Variants in PLPP5 observed in about 807,000 individuals in gnomAD.
PLPP5 encodes diacylglycerol pyrophosphate like 1.
In PLPP5, 29 loss-of-function variants were observed where a neutral mutation model predicts 23.6. The ratio of observed to expected loss-of-function variants is 1.23; its 90% confidence interval spans 0.92 to 1.68. PLPP5 has a LOEUF of 1.68. Among genes scored for constraint, PLPP5 ranks in the 40% most tolerant of loss-of-function variants. PLPP5 has a pLI of 0.00. For synonymous variants in PLPP5, 143 were observed against 131.3 expected, an observed-to-expected ratio of 1.09 and a Z score of -0.61; for missense variants, 315 against 332.1, an observed-to-expected ratio of 0.95 and a Z score of 0.40.
chr8:38,267,231 A>T (rs763042616), intron 5 of PLPP5, 36 bp downstream of exon 5: 1 of 1,613,712 alleles, frequency 6.2e-7, no homozygotes, highest in Non-Finnish European at 8.5e-7. Flanking sequence ...ATGATGTGAA[A>T]ACAAGCATAG....
In PLPP5 at chr8:38,268,898, G is replaced by A. The variant is rs183632132; in HGVS notation, c.167C>T (p.Pro56Leu). 8.0e-4 allele frequency: 1,238 copies of A among 1,556,620 alleles called. 11 individuals carry two copies. In the African/African-American group the frequency reaches 0.015, roughly 19 times the overall value. Residue 56 changes from proline to leucine, a missense_variant, in exon 2 of 7, where the codon CCC (proline) becomes CTC (leucine). Transcript: ENST00000424479. The part of the protein sequence containing the change: ...RNPYVEAEYF[P>L]TKPMFVIAFL... ...TCCACGCACAAACATCGGCTTGGTG[G>A]GGAAATACTCCGCCTCCACGTAGGG...
intron 6 of PLPP5, 54 bp downstream of exon 6, chr8:38,266,087 A>G: frequency 6.4e-7 from 1 of 1,551,614 alleles, no homozygotes; most frequent in Non-Finnish European, 8.8e-7. Flanking sequence ...GCTAGGTGCT[A>G]GGAATAAAAT....
chr8:38,267,417 C>A (rs1449831912), intron 4 of PLPP5, 26 bp from the exon 5 acceptor site: 2 of 1,605,692 alleles, frequency 1.2e-6, no homozygotes, highest in South Asian at 1.1e-5. Flanking sequence ...ATGGTTGGAA[C>A]GTAAATCATT....
Position 38,268,931 on chromosome 8 carries a change from T to G in PLPP5, c.134A>C (p.Tyr45Ser). Reference sequence around the variant, plus strand: ...CTCCGCCTCCACGTAGGGGTTCCGGTAGAGCCACATCTCCTCCGGCTGGAT... The same window carrying G: ...CTCCGCCTCCACGTAGGGGTTCCGGGAGAGCCACATCTCCTCCGGCTGGAT... ...RLIQPEEMWL[Y>S]RNPYVEAEYF... Residue 45 changes from tyrosine to serine, a missense_variant, in exon 2 of 7, where the codon TAC (tyrosine) becomes TCC (serine). By Grantham distance (144) the Tyr-to-Ser change is moderately radical. Coordinates refer to ENST00000424479, the MANE Select transcript of PLPP5 (RefSeq NM_001102559.2). 3.8e-6 allele frequency: 6 copies of G among 1,561,424 alleles called. No homozygotes were observed. Among genetic ancestry groups the G allele is most frequent in the Non-Finnish European group, 5.2e-6 (6 of 1,159,624 alleles).
chr8:38,268,001 G>T, intron 3 of PLPP5, 41 bp from the exon 4 acceptor site: 2 of 1,613,856 alleles, frequency 1.2e-6, no homozygotes, highest in Non-Finnish European at 1.7e-6. Context: ...CTGTCTAGGA[G>T]GAAAGGTATG....
At chr8:38,268,647 C>T in intron 2 of PLPP5, 186 bp from the exon 3 acceptor site, 1 of 1,436,308 alleles carries the variant, frequency 7.0e-7, no homozygotes, top group Non-Finnish European at 9.1e-7. Flanking sequence ...GCCCCGGTAC[C>T]TCAGGCTGAG....
chr8:38,263,416 T>C lies in PLPP5; in HGVS notation c.*1028A>G, dbSNP rs925796727. On this transcript the variant is annotated 3_prime_UTR_variant, in exon 7 of 7. Transcript: ENST00000424479. Reference sequence around the variant, plus strand: ...GTGCATTTGAGCAGATCTTCAGTCATGAATGGAAGGAAAGAAGCTCACAAG... The same window carrying C: ...GTGCATTTGAGCAGATCTTCAGTCACGAATGGAAGGAAAGAAGCTCACAAG... The C allele has an allele frequency of 7.2e-5, 71 of 985,428 alleles. 1 individual carries two copies. Among genetic ancestry groups the C allele is most frequent in the East Asian group, 6.8e-4 (6 of 8,818 alleles). The allele number at this position is 985,428 out of a possible 1,614,324, so 61.0% of individuals were successfully genotyped here.
chr8:38,266,309 C>A lies in PLPP5; in HGVS notation c.466G>T (p.Ala156Ser). Reference protein sequence around the residue: ...KSFPSGHSSFAFAGLAFASFY... With the variant: ...KSFPSGHSSFSFAGLAFASFY... Reference sequence around the variant, plus strand: ...GACGCAAAGGCCAGACCAGCAAATGCAACTGGAACAAGAAAAACTTTTAAG... The same window carrying A: ...GACGCAAAGGCCAGACCAGCAAATGAAACTGGAACAAGAAAAACTTTTAAG... The change falls in exon 6 of 7, where the codon GCA becomes TCA. Residue 156 changes from alanine (A) to serine (S), a missense_variant and splice_region_variant. Physicochemically the swap from Ala to Ser is moderately conservative, Grantham distance 99. Coordinates refer to ENST00000424479, the MANE Select transcript of PLPP5 (RefSeq NM_001102559.2). 1.9e-6 allele frequency: 3 copies of A among 1,610,176 alleles called. No homozygotes were observed. Among genetic ancestry groups the A allele is most frequent in the Non-Finnish European group, 2.5e-6 (3 of 1,177,938 alleles).
Position 38,269,200 on chromosome 8 carries a change from C to A in PLPP5, c.-1G>T. The A allele has an allele frequency of 6.7e-7, 1 of 1,499,544 alleles. No homozygotes were observed. The highest frequency in any genetic ancestry group is 8.8e-7 in the Non-Finnish European group (1 of 1,132,280). 92.9% of individuals were successfully genotyped at this position (1,499,544 alleles called of 1,614,324 possible). ...CCACCGCCGCCGCCGCCTTCCCCAT[C>A]CGGCCGCGAGCTCCGAGCGACGCTG... On this transcript the variant is annotated 5_prime_UTR_variant, in exon 1 of 7. Transcript: ENST00000424479.
chr8:38,268,717 TCAATCA>T, intron 2 of PLPP5, 159 bp downstream of exon 2: 1 of 1,432,198 alleles, frequency 7.0e-7, no homozygotes, highest in Non-Finnish European at 9.1e-7. Context: ...CCCTCCTCTC[TCAATCA>T]GGATCTTAAA....
In PLPP5 at chr8:38,269,168, C is replaced by A; in HGVS notation, c.32G>T (p.Gly11Val). The A allele has an allele frequency of 6.6e-7, 1 of 1,509,330 alleles. No individual in the cohort carries two copies. The highest frequency in any genetic ancestry group is 2.7e-5 in the East Asian group (1 of 37,202). The allele number at this position is 1,509,330 out of a possible 1,614,324, so 93.5% of individuals were successfully genotyped here. The stretch of plus-strand genomic sequence containing the variant: ...CGCGAGCCGCACGCCCACTTCGGCC[C>A]CAAAGGCCACCGCCGCCGCCGCCTT... MGKAAAAVAFGAEVGVRLALF... is the reference protein window; with the variant it reads MGKAAAAVAFVAEVGVRLALF... Residue 11 changes from glycine (G) to valine (V), a missense_variant, in exon 1 of 7, where the codon GGG (glycine) becomes GTG (valine). By Grantham distance (109) the Gly-to-Val change is moderately radical (BLOSUM62 -3). Transcript: ENST00000424479.
Position 38,267,325 on chromosome 8 carries a change from T to C in PLPP5, c.405A>G (p.Thr135=), listed in dbSNP as rs1807788926. The C allele has an allele frequency of 1.2e-6, 2 of 1,613,914 alleles. No homozygotes were observed. Among genetic ancestry groups the C allele is most frequent in the Admixed American group, 1.7e-5 (1 of 60,010 alleles). ...CCTCATTCACCACGTCCTTATCCCC[T>C]GTACACATCAAGTCAGAATGGGCTA... The part of the protein sequence containing the change: ...DGLAHSDLMC[T]GDKDVVNEGR... Residue 135 remains threonine (T), a synonymous_variant, in exon 5 of 7, where the codon ACA becomes ACG. Coordinates refer to ENST00000424479, the MANE Select transcript of PLPP5 (RefSeq NM_001102559.2).
Position 38,263,229 on chromosome 8 carries a change from A to C in PLPP5, c.*1215T>G, listed in dbSNP as rs1044160. 0.033 allele frequency: 6,239 copies of C among 188,114 alleles called. 152 individuals are homozygous for C. Among genetic ancestry groups the C allele is most frequent in the Non-Finnish European group, 0.049 (4,924 of 100,760 alleles). The allele number at this position is 188,114 out of a possible 1,614,324, so 11.7% of individuals were successfully genotyped here. ...GTCATATTTAAAGTATAATCACAAT[A>C]AAGAGAAAGGGAGCTGTAGGTCCTA... On this transcript the variant is annotated 3_prime_UTR_variant, in exon 7 of 7. Coordinates refer to ENST00000424479, the MANE Select transcript of PLPP5 (RefSeq NM_001102559.2).
chr8:38,267,779 CAG>C, intron 4 of PLPP5, 116 bp downstream of exon 4: 4 of 1,072,394 alleles, frequency 3.7e-6, no homozygotes, highest in Non-Finnish European at 5.5e-6. Context: ...AAAGAAAAAT[CAG>C]AGTGAAGATA....
At chr8:38,267,555 A>G (rs1807840922) in intron 4 of PLPP5, 164 bp from the exon 5 acceptor site, 1 of 739,148 alleles carries the variant, frequency 1.4e-6, no homozygotes, top group East Asian at 3.0e-5. Flanking sequence ...AAAGCCTTTC[A>G]AGGTGAGCAT....
Position 38,267,275 on chromosome 8 carries a change from T to A in PLPP5, c.455A>T (p.His152Leu). 1 of 1,614,020 alleles carries A rather than the reference T, an allele frequency of 6.2e-7. No homozygotes were observed. Among genetic ancestry groups the A allele is most frequent in the Non-Finnish European group, 8.5e-7 (1 of 1,179,896 alleles). Residue 152 changes from histidine to leucine, a missense_variant, in exon 5 of 7, where the codon CAT becomes CTT. By Grantham distance (99) the His-to-Leu change is moderately conservative. Transcript: ENST00000424479. ...NEGRKSFPSG[H>L]SSFAFAGLAF... Reference sequence around the variant, plus strand: ...CCATATGATATTCATACAGGAAGAATGTCCACTGGGGAAGCTCTTTCGGCC... The same window carrying A: ...CCATATGATATTCATACAGGAAGAAAGTCCACTGGGGAAGCTCTTTCGGCC...
At chr8:38,264,964 A>G (rs1469728452) in intron 6 of PLPP5, 3 of 1,577,932 alleles carry the variant, frequency 1.9e-6, no homozygotes, top group Admixed American at 1.7e-5. Flanking sequence ...AGGAAGGAAT[A>G]AAGTATTTTA....
chr8:38,268,333 C>G (rs1585823485), intron 3 of PLPP5, 38 bp downstream of exon 3: 1 of 1,527,306 alleles, frequency 6.5e-7, no homozygotes, highest in Non-Finnish European at 8.9e-7. Flanking sequence ...CCTAGGTTCC[C>G]AGCACGAAGA....
chr8:38,266,124 C>A lies in PLPP5; in HGVS notation c.634+17G>T. 6.2e-7 allele frequency: 1 copy of A among 1,612,608 alleles called. No individual in the cohort carries two copies. Among genetic ancestry groups the A allele is most frequent in the Non-Finnish European group, 8.5e-7 (1 of 1,178,914 alleles). On this transcript the variant is annotated intron_variant, in intron 6 of 6. Coordinates refer to ENST00000424479, the MANE Select transcript of PLPP5 (RefSeq NM_001102559.2). Reference sequence around the variant, plus strand: ...AGTGAAATATGCAAGCTTCCATAGCCTGAGTACTTTGCTTACCTTGCCAGT... The same window carrying A: ...AGTGAAATATGCAAGCTTCCATAGCATGAGTACTTTGCTTACCTTGCCAGT...
Sources: allele counts gnomAD v4.1 joint callset, GRCh38; gene constraint gnomAD v4.1.1; transcripts MANE v1.5; gene names NCBI Gene and HGNC (gene_info 2026-07-23, HGNC 2026-07-21).